HECW2: variants seen among roughly 807,000 people sequenced by gnomAD.
The protein encoded by HECW2 is E3 ubiquitin-protein ligase HECW2.
HECW2 carries 61 observed loss-of-function variants against 175.2 expected under a neutral mutation model. The ratio of observed to expected loss-of-function variants is 0.35; its 90% CI spans 0.28 to 0.43. The LOEUF (loss-of-function observed/expected upper bound fraction) is 0.43, where lower values mean the gene tolerates loss of function less well. HECW2 is among the 20% of genes least tolerant of loss of function. The probability of loss-of-function intolerance (pLI) is 1.00; values close to 1 mark genes in which losing one functional copy is unlikely to be tolerated. For synonymous variants in HECW2, 671 were observed against 731.0 expected (o/e 0.92, Z 1.32); for missense variants, 1,524 against 2,000.5 (o/e 0.76, Z 4.54).
intron 1 of HECW2, among the ~76,000 whole-genome samples, chr2:196,535,567 T>C (rs1392966702): frequency 6.6e-6 from 1 of 152,202 alleles, no homozygotes; most frequent in Non-Finnish European, 1.5e-5. Flanking sequence ...GAATGCTGCA[T>C]CAAAATCCCT....
At chr2:196,204,718 T>G (rs1326548165) in intron 28 of HECW2, among the ~76,000 whole-genome samples, 1 of 152,212 alleles carries the variant, frequency 6.6e-6, no homozygotes, top group African/African-American at 2.4e-5. Context: ...TTTGCATCAG[T>G]AGAACCAGTA....
At chr2:196,321,414 G>C (rs914335629) in intron 7 of HECW2, among the ~76,000 whole-genome samples, 1 of 141,566 alleles carries the variant, frequency 7.1e-6, no homozygotes, top group African/African-American at 2.7e-5. Context: ...TTGAGACAGA[G>C]TCTCGCTCTG....
chr2:196,326,873 G>C (rs938839498), intron 5 of HECW2, among the ~76,000 whole-genome samples: 5 of 152,140 alleles, frequency 3.3e-5, no homozygotes, highest in Non-Finnish European at 7.4e-5. Flanking sequence ...CCCCATTCCT[G>C]ACACTTCGTA....
At chr2:196,254,972 C>CTTT (rs10587104) in intron 18 of HECW2, among the ~76,000 whole-genome samples, 1 of 120,466 alleles carries the variant, frequency 8.3e-6, no homozygotes, top group South Asian at 2.7e-4. Flanking sequence ...ATCTGGTTTC[C>CTTT]TTTTTTTTTT....
At chr2:196,239,683 A>G (rs1387403400) in intron 21 of HECW2, 1 of 152,166 alleles carries the variant, frequency 6.6e-6, no homozygotes, top group Admixed American at 6.5e-5. Context: ...TGAGTTATGA[A>G]GAAGATGTTG....
intron 26 of HECW2, among the ~76,000 whole-genome samples, chr2:196,219,754 C>T (rs1340651307): frequency 2.0e-5 from 3 of 152,182 alleles, no homozygotes; most frequent in East Asian, 3.8e-4. Flanking sequence ...TCACTGACAA[C>T]ACGATAAAGT....
chr2:196,589,336 T>C (rs1391803516), intron 1 of HECW2, among the ~76,000 whole-genome samples: 3 of 152,244 alleles, frequency 2.0e-5, no homozygotes, highest in African/African-American at 7.2e-5. Flanking sequence ...GTAAGTGAGC[T>C]GTGTTACAAA....
chr2:196,468,603 C>T (rs1697056464), intron 1 of HECW2, among the ~76,000 whole-genome samples: 1 of 152,212 alleles, frequency 6.6e-6, no homozygotes, highest in Non-Finnish European at 1.5e-5. Flanking sequence ...GATGGTGACA[C>T]TGCCACCTGC....
At chr2:196,234,284 T>G (rs570074810) in intron 21 of HECW2, among the ~76,000 whole-genome samples, 5 of 151,840 alleles carry the variant, frequency 3.3e-5, no homozygotes, top group Non-Finnish European at 7.4e-5. Flanking sequence ...ATCCAGTTTT[T>G]TTTTTTTTTT....
chr2:196,522,069 C>A lies in HECW2; in HGVS notation c.-36+71439G>T, dbSNP rs567413030. ...TGAGGAATAACCACACTGACTTCCA[C>A]AATGGTTGAACTAGTTTACAATCCC... On this transcript the variant is annotated intron_variant, in intron 1 of 28. Transcript: ENST00000644978. Among the ~76,000 whole-genome samples the A allele has an allele frequency of 1.7e-3, 259 of 152,308 alleles. 1 individual carries two copies. Among genetic ancestry groups the A allele is most frequent in the African/African-American group, 5.9e-3 (246 of 41,552 alleles).
chr2:196,507,139 C>CAT (rs142976681), intron 1 of HECW2, among the ~76,000 whole-genome samples: 7,989 of 100,342 alleles, frequency 0.08, 727 homozygotes, highest in African/African-American at 0.25. Context: ...ATATTACACA[C>CAT]GTTAGTGTGT....
Position 196,211,313 on chromosome 2 carries a change from C to A in HECW2, c.4607+4552G>T, listed in dbSNP as rs546440908. Among the ~76,000 whole-genome samples, 96 of 152,254 alleles carry A rather than the reference C, an allele frequency of 6.3e-4. No homozygotes were observed. In the Middle Eastern group the frequency reaches 0.01, roughly 16 times the overall value. ...TTTTGGACTGTTTGAGAGCAATTGC[C>A]ACAAAGTGAATGTACTCTCTTTTCA... On this transcript the variant is annotated intron_variant, in intron 28 of 28. Transcript: ENST00000644978.
At chr2:196,216,225 T>A (rs1687469785) in intron 27 of HECW2, among the ~76,000 whole-genome samples, 1 of 152,228 alleles carries the variant, frequency 6.6e-6, no homozygotes, top group Non-Finnish European at 1.5e-5. Flanking sequence ...ATAAAGCACC[T>A]GATGCAGCTG....
chr2:196,334,295 C>T (rs1447639888), intron 4 of HECW2, 129 bp downstream of exon 4: 2 of 648,476 alleles, frequency 3.1e-6, no homozygotes, highest in Non-Finnish European at 5.4e-6. Context: ...TTTCCTATAA[C>T]AGTGCCCACA....
intron 1 of HECW2, among the ~76,000 whole-genome samples, chr2:196,528,047 A>C (rs1415684953): frequency 6.6e-6 from 1 of 152,224 alleles, no homozygotes; most frequent in Non-Finnish European, 1.5e-5. Context: ...CCTCTTCTAG[A>C]AAATGAGTCC....
chr2:196,228,275 AAG>A (rs778385846), intron 21 of HECW2, 21 bp from the exon 22 acceptor site: 1 of 1,583,158 alleles, frequency 6.3e-7, no homozygotes, highest in Non-Finnish European at 8.5e-7. Flanking sequence ...AATCCACAAA[AAG>A]AATAATCTGT....
rs1271487723 is a variant in HECW2 at position 196,198,064 on chromosome 2, T to C, written c.*3213A>G. The C allele has an allele frequency of 6.6e-6, 1 of 152,242 alleles. No homozygotes were observed. Among genetic ancestry groups the C allele is most frequent in the African/African-American group, 2.4e-5 (1 of 41,474 alleles). 9.4% of individuals were successfully genotyped at this position (152,242 alleles called of 1,614,324 possible). A position where few individuals can be genotyped will look rare whatever the true frequency, so the allele number is the denominator to read the frequency against. Reference sequence around the variant, plus strand: ...CATTTTGTGCACAAGAAAAATGTTTTGACCCCAGAAGTGGTTTGGGCTCAG... The same window carrying C: ...CATTTTGTGCACAAGAAAAATGTTTCGACCCCAGAAGTGGTTTGGGCTCAG... On this transcript the variant is annotated 3_prime_UTR_variant, in exon 29 of 29. Transcript: ENST00000644978.
At chr2:196,556,351 A>G (rs1689794202) in intron 1 of HECW2, among the ~76,000 whole-genome samples, 1 of 152,304 alleles carries the variant, frequency 6.6e-6, no homozygotes, top group South Asian at 2.1e-4. Context: ...TATACAATAT[A>G]TTATTATTCA....
chr2:196,360,283 A>G (rs1029693219), intron 2 of HECW2, among the ~76,000 whole-genome samples: 3 of 152,214 alleles, frequency 2.0e-5, no homozygotes, highest in Non-Finnish European at 2.9e-5. Flanking sequence ...GAGCAAAGAC[A>G]TGGAATCAAC....
Sources: gnomAD v4.1 joint callset for allele counts (sites outside exome capture counted in the v4.1 genomes callset) on GRCh38, gnomAD v4.1.1 for gene constraint, MANE v1.5 for transcripts, NCBI Gene and HGNC (gene_info 2026-07-23, HGNC 2026-07-21) for gene names.